TMC3: variants seen among roughly 807,000 people sequenced by gnomAD.
TMC3 encodes transmembrane channel-like protein 3.
TMC3 carries 98 observed loss-of-function variants against 110.6 expected under a neutral mutation model. The observed-to-expected ratio is 0.89, with a 90% CI of 0.75 to 1.05. The LOEUF (loss-of-function observed/expected upper bound fraction) is 1.05, where lower values mean the gene tolerates loss of function less well. Among genes scored for constraint, TMC3 ranks in the 50% least tolerant of loss-of-function variants. The pLI is 0.00. For missense variants in TMC3, 1,319 were observed against 1,373.2 expected, an observed-to-expected ratio of 0.96 and a Z score of 0.62; for synonymous variants, 489 against 513.1, an observed-to-expected ratio of 0.95 and a Z score of 0.63.
chr15:81,351,766 G>A lies in TMC3; in HGVS notation c.1011C>T (p.Ile337=), dbSNP rs373345225. ...TCTGGGACCGGTCCACCACAAAGTA[G>A]ATGAGATAAATGCTCCCAGCCAGTG... The part of the protein sequence containing the change: ...LLSLAGSIYL[I]YFVVDRSQKL... Residue 337 remains isoleucine, a synonymous_variant, in exon 10 of 22, where the codon ATC becomes ATT. Transcript: ENST00000359440. The A allele has an allele frequency of 3.7e-6, 6 of 1,602,992 alleles. No homozygotes were observed. The African/African-American group carries it at 5.4e-5, about 14-fold the overall frequency.
intron 9 of TMC3, among the ~76,000 whole-genome samples, chr15:81,352,993 G>C (rs1893983546): frequency 1.3e-5 from 2 of 152,026 alleles, no homozygotes; most frequent in African/African-American, 2.4e-5. Flanking sequence ...GCTAATTTTT[G>C]TATTTTTAGT....
At position 81,374,118 on chromosome 15, in the gene TMC3, A is replaced by G. The variant is rs1351357031; in HGVS notation, c.-41T>C. 1 of 1,590,738 alleles carries G rather than the reference A, an allele frequency of 6.3e-7. No individual in the cohort carries two copies. The highest frequency in any genetic ancestry group is 8.6e-7 in the Non-Finnish European group (1 of 1,161,442). ...GCTAACAATCAGAAGCTGGCCAGAG[A>G]GCTAGGAAGTTGGCAGGCAAAGGTC... On this transcript the variant is annotated 5_prime_UTR_variant, in exon 1 of 22. Transcript: ENST00000359440.
At position 81,338,299 on chromosome 15, in the gene TMC3, A is replaced by G. The variant is rs1393409251; in HGVS notation, c.2081+356T>C. On this transcript the variant is annotated intron_variant, in intron 18 of 21. Coordinates refer to ENST00000359440, the MANE Select transcript of TMC3 (RefSeq NM_001080532.3). ...AAAATAAGCCAAAGCTACTCAGCTG[A>G]GTTGTGAAATTCCTTTTCAGGATTA... 3.3e-5 allele frequency among the ~76,000 whole-genome samples: 5 copies of G among 152,216 alleles called. No individual in the cohort carries two copies. The East Asian group carries it at 7.7e-4, about 23-fold the overall frequency.
In TMC3 at chr15:81,336,816, G is replaced by C. The variant is rs566044606; in HGVS notation, c.2161-165C>G. Among the ~76,000 whole-genome samples the C allele has an allele frequency of 6.6e-5, 10 of 152,274 alleles. No individual in the cohort carries two copies. In the East Asian group the frequency reaches 9.6e-4, roughly 15 times the overall value. On this transcript the variant is annotated intron_variant, in intron 19 of 21. Coordinates refer to ENST00000359440, the MANE Select transcript of TMC3 (RefSeq NM_001080532.3). The stretch of plus-strand genomic sequence containing the variant: ...GACGGTATGCTCTGGGCTCGGGCCT[G>C]TTATTTGAGTGAATAAATGCAGATA...
In TMC3 at chr15:81,338,787, G is replaced by C; in HGVS notation, c.1956-7C>G. On this transcript the variant is annotated splice_polypyrimidine_tract_variant and splice_region_variant and intron_variant, in intron 17 of 21. Transcript: ENST00000359440. The stretch of plus-strand genomic sequence containing the variant: ...ATAAATTTTCTCTTGTCCACTGTGA[G>C]AAAGAAAAACATAACTCCAGATTTT... 1 of 1,612,940 alleles carries C rather than the reference G, an allele frequency of 6.2e-7. No homozygotes were observed. The highest frequency in any genetic ancestry group is 8.5e-7 in the Non-Finnish European group (1 of 1,179,538).
intron 3 of TMC3, among the ~76,000 whole-genome samples, chr15:81,367,634 G>C (rs1427967774): frequency 6.6e-6 from 1 of 152,092 alleles, no homozygotes; most frequent in Admixed American, 6.6e-5. Context: ...ACAGGGACAC[G>C]GTGAATCAAA....
In TMC3 at chr15:81,331,802, T is replaced by G. The variant is rs575649491; in HGVS notation, c.*617A>C. ...CCCCTGGTAAGGGAAGAACCTCGAG[T>G]GAGCGCGTGCACAACTCCAGTAAAC... On this transcript the variant is annotated 3_prime_UTR_variant, in exon 22 of 22. Transcript: ENST00000359440. 1.3e-5 allele frequency: 2 copies of G among 151,922 alleles called. No homozygotes were observed. Among genetic ancestry groups the G allele is most frequent in the East Asian group, 1.9e-4 (1 of 5,164 alleles). 9.4% of individuals were successfully genotyped at this position (151,922 alleles called of 1,614,324 possible).
intron 2 of TMC3, 96 bp from the exon 3 acceptor site, chr15:81,368,424 G>C (rs1894364713): frequency 1.1e-6 from 1 of 875,512 alleles, no homozygotes; most frequent in Admixed American, 1.8e-5. Context: ...TTGCCATCTT[G>C]TCCTGAAAAA....
chr15:81,346,256 G>A, intron 12 of TMC3, 109 bp downstream of exon 12: 2 of 977,438 alleles, frequency 2.0e-6, no homozygotes. Flanking sequence ...CATGATTATG[G>A]AGTACAAGTA....
chr15:81,337,326 A>C (rs1216024277), intron 19 of TMC3, among the ~76,000 whole-genome samples: 2 of 152,048 alleles, frequency 1.3e-5, no homozygotes, highest in Non-Finnish European at 2.9e-5. Context: ...AGGAGGAGAA[A>C]TTGTGGGAGT....
intron 7 of TMC3, among the ~76,000 whole-genome samples, chr15:81,357,039 A>G (rs567059584): frequency 1.1e-4 from 16 of 152,258 alleles, no homozygotes; most frequent in Non-Finnish European, 1.9e-4. Context: ...TTCTTTAGAT[A>G]TTTGAAGGCA....
intron 7 of TMC3, among the ~76,000 whole-genome samples, chr15:81,357,845 TG>T (rs1894099046): frequency 6.6e-6 from 1 of 152,234 alleles, no homozygotes; most frequent in Non-Finnish European, 1.5e-5. Flanking sequence ...ATATGATTCT[TG>T]TATTTCCAGG....
chr15:81,347,893 G>A (rs1263553723), intron 11 of TMC3, among the ~76,000 whole-genome samples: 1 of 151,988 alleles, frequency 6.6e-6, no homozygotes, highest in Non-Finnish European at 1.5e-5. Context: ...GGAATAGCCA[G>A]TGGGCTGAGA....
In TMC3 at chr15:81,332,933, G is replaced by A; in HGVS notation, c.2789C>T (p.Ser930Phe). 1 of 1,612,636 alleles carries A rather than the reference G, an allele frequency of 6.2e-7. No homozygotes were observed. The highest frequency in any genetic ancestry group is 8.5e-7 in the Non-Finnish European group (1 of 1,179,534). Residue 930 changes from serine to phenylalanine, a missense_variant, in exon 22 of 22, where the codon TCC becomes TTC. Transcript: ENST00000359440. ...LYPRNVRQYASRVPRQPPSPQ... is the reference protein window; with the variant it reads ...LYPRNVRQYAFRVPRQPPSPQ... The stretch of plus-strand genomic sequence containing the variant: ...GGAGGGAGGCTGGCGGGGGACCCGG[G>A]ATGCATATTGTCGCACGTTCCTGGG...
Position 81,359,422 on chromosome 15 carries a change from T to A in TMC3, c.444A>T (p.Leu148Phe). ...VASYFIFLRW[L>F]FGINIVLTIM... ...TGGTGAGCACAATATTAATTCCAAA[T>A]AACCATCTCAAGAATATGAAATAGG... The change falls in exon 5 of 22, where the codon TTA (leucine) becomes TTT (phenylalanine). Residue 148 changes from leucine to phenylalanine, a missense_variant. Coordinates refer to ENST00000359440, the MANE Select transcript of TMC3 (RefSeq NM_001080532.3). The A allele has an allele frequency of 1.2e-6, 2 of 1,606,066 alleles. No homozygotes were observed. The highest frequency in any genetic ancestry group is 1.7e-6 in the Non-Finnish European group (2 of 1,177,214).
chr15:81,356,573 C>G lies in TMC3; in HGVS notation c.765G>C (p.Thr255=). 1 of 1,588,066 alleles carries G rather than the reference C, an allele frequency of 6.3e-7. No individual in the cohort carries two copies. The highest frequency in any genetic ancestry group is 8.6e-7 in the Non-Finnish European group (1 of 1,167,178). Residue 255 remains threonine, a synonymous_variant, in exon 8 of 22, where the codon ACG becomes ACC. Transcript: ENST00000359440. ...LLKKMAKNSR[T]SLASASNENY... ...TTTCATTGGAAGCACTGGCAAGACT[C>G]GTGCGGGAGTTCTTAGCCATCCTGC...
At chr15:81,333,325 ACTGTGAG>A in intron 21 of TMC3, 63 bp from the exon 22 acceptor site, 3 of 1,542,492 alleles carry the variant, frequency 1.9e-6, no homozygotes, top group Non-Finnish European at 2.6e-6. Flanking sequence ...ACACCTGAGG[ACTGTGAG>A]CTGTGAGCAG....
intron 19 of TMC3, among the ~76,000 whole-genome samples, chr15:81,336,943 GA>G (rs1217473703): frequency 1.3e-5 from 2 of 151,994 alleles, no homozygotes; most frequent in African/African-American, 4.8e-5. Flanking sequence ...GAATCACAAA[GA>G]AAAAAATACA....
chr15:81,364,268 G>C (rs112313999), intron 3 of TMC3, among the ~76,000 whole-genome samples: 2,357 of 152,158 alleles, frequency 0.015, 87 homozygotes, highest in African/African-American at 0.054. Flanking sequence ...CTGGGAATAA[G>C]AGTCTATGCA....
Sources: gnomAD v4.1 joint callset for allele counts (sites outside exome capture counted in the v4.1 genomes callset) on GRCh38, gnomAD v4.1.1 for gene constraint, MANE v1.5 for transcripts, NCBI Gene and HGNC (gene_info 2026-07-23, HGNC 2026-07-21) for gene names.